The following AOPEP variants were observed in gnomAD, a reference collection of about 807,000 sequenced individuals.
The protein encoded by AOPEP is aminopeptidase O.
Under a neutral mutation model 98.1 loss-of-function variants are expected in AOPEP, and 77 were observed. That is an observed-to-expected ratio of 0.78 (90% CI 0.65 to 0.95). The LOEUF (loss-of-function observed/expected upper bound fraction) is 0.95, where lower values mean the gene tolerates loss of function less well. Among genes scored for constraint, AOPEP ranks in the 40% least tolerant of loss-of-function variants. The probability of loss-of-function intolerance (pLI) is 0.00; values close to 1 mark genes in which losing one functional copy is unlikely to be tolerated. For synonymous variants in AOPEP, 346 were observed against 365.3 expected, an observed-to-expected ratio of 0.95 and a Z score of 0.60; for missense variants, 1,024 against 1,024.7, an observed-to-expected ratio of 1.00 and a Z score of 0.01.
intron 5 of AOPEP, among the ~76,000 whole-genome samples, chr9:94,818,862 C>T (rs925719583): frequency 3.3e-5 from 5 of 152,162 alleles, no homozygotes; most frequent in African/African-American, 9.6e-5. Context: ...GGCATGGTGG[C>T]GGGCACCTGT....
At chr9:94,775,244 C>T (rs1841816603) in intron 3 of AOPEP, among the ~76,000 whole-genome samples, 1 of 151,734 alleles carries the variant, frequency 6.6e-6, no homozygotes, top group Non-Finnish European at 1.5e-5. Flanking sequence ...GAGGACTAAA[C>T]ATTGTCTTTT....
chr9:94,987,321 A>G (rs534382125), intron 11 of AOPEP, among the ~76,000 whole-genome samples: 64 of 152,262 alleles, frequency 4.2e-4, no homozygotes, highest in Non-Finnish European at 8.4e-4. Flanking sequence ...CCAATCTTGA[A>G]GGACAGGCAG....
chr9:94,828,518 G>A (rs1855168189), intron 5 of AOPEP, among the ~76,000 whole-genome samples: 1 of 152,036 alleles, frequency 6.6e-6, no homozygotes, highest in Non-Finnish European at 1.5e-5. Flanking sequence ...TGGACGCCAG[G>A]GATAGAATAG....
chr9:95,079,856 G>A (rs779675973), intron 14 of AOPEP, among the ~76,000 whole-genome samples: 19 of 152,236 alleles, frequency 1.2e-4, no homozygotes, highest in Non-Finnish European at 2.5e-4. Flanking sequence ...TGGATACACA[G>A]CAGGAACTAT....
intron 5 of AOPEP, among the ~76,000 whole-genome samples, chr9:94,806,140 G>T (rs1849219290): frequency 6.6e-6 from 1 of 152,138 alleles, no homozygotes; most frequent in Non-Finnish European, 1.5e-5. Flanking sequence ...GTGATTCTTT[G>T]CCTCAGGAAT....
intron 5 of AOPEP, among the ~76,000 whole-genome samples, chr9:94,802,612 A>C (rs1390996803): frequency 6.6e-6 from 1 of 152,240 alleles, no homozygotes; most frequent in Non-Finnish European, 1.5e-5. Flanking sequence ...GAGTACCATA[A>C]GACCAAATGG....
chr9:94,748,091 A>T (rs1834922695), intron 1 of AOPEP, among the ~76,000 whole-genome samples: 1 of 152,204 alleles, frequency 6.6e-6, no homozygotes. Flanking sequence ...ATAAATTAAT[A>T]ATATAAGTAA....
At chr9:94,974,981 T>C (rs2059751380) in intron 10 of AOPEP, among the ~76,000 whole-genome samples, 1 of 152,194 alleles carries the variant, frequency 6.6e-6, no homozygotes, top group Non-Finnish European at 1.5e-5. Flanking sequence ...TTCATGCCTG[T>C]AATCCCAGCA....
chr9:94,796,675 G>T (rs150785058), intron 4 of AOPEP, among the ~76,000 whole-genome samples: 205 of 152,308 alleles, frequency 1.3e-3, no homozygotes, highest in African/African-American at 4.8e-3. Context: ...TATGATCAGT[G>T]TTCATGTGGG....
At chr9:94,859,985 G>A (rs2044726367) in intron 5 of AOPEP, among the ~76,000 whole-genome samples, 1 of 152,250 alleles carries the variant, frequency 6.6e-6, no homozygotes, top group Non-Finnish European at 1.5e-5. Flanking sequence ...TTATAGTCTG[G>A]TTGGGGAGAT....
intron 7 of AOPEP, among the ~76,000 whole-genome samples, chr9:94,940,332 G>A (rs1023890841): frequency 1.3e-5 from 2 of 152,222 alleles, no homozygotes; most frequent in African/African-American, 4.8e-5. Context: ...AGGGCCAGGT[G>A]CGGTGGCTCA....
intron 1 of AOPEP, among the ~76,000 whole-genome samples, chr9:94,732,179 T>C (rs1345068338): frequency 6.6e-6 from 1 of 152,182 alleles, no homozygotes; most frequent in Non-Finnish European, 1.5e-5. Context: ...CTCTAGAGGA[T>C]GTAAGCAACT....
At chr9:94,894,211 A>G (rs2049207354) in intron 5 of AOPEP, among the ~76,000 whole-genome samples, 1 of 152,232 alleles carries the variant, frequency 6.6e-6, no homozygotes, top group Non-Finnish European at 1.5e-5. Flanking sequence ...AAGAAAGATC[A>G]AAGCAGATAT....
chr9:95,029,316 A>T (rs1314219947), intron 13 of AOPEP, among the ~76,000 whole-genome samples: 2 of 151,930 alleles, frequency 1.3e-5, no homozygotes, highest in Admixed American at 6.5e-5. Flanking sequence ...GCATACATTA[A>T]ATCATTCTAC....
intron 5 of AOPEP, among the ~76,000 whole-genome samples, chr9:94,802,687 A>G (rs1848444538): frequency 6.6e-6 from 1 of 152,228 alleles, no homozygotes; most frequent in Admixed American, 6.5e-5. Flanking sequence ...GACTGCTTTT[A>G]TGCTTAAAAG....
chr9:94,855,161 T>C lies in AOPEP; in HGVS notation c.1364+54159T>C, dbSNP rs144384227. ...GGTATAATCTCGGCTCACCACAACC[T>C]CTGCCTCCCAGATTCAAGCGATTCT... On this transcript the variant is annotated intron_variant, in intron 5 of 16. Transcript: ENST00000375315. Among the ~76,000 whole-genome samples, 1,007 of 152,196 alleles carry C rather than the reference T, an allele frequency of 6.6e-3. 8 individuals are homozygous for C. The highest frequency in any genetic ancestry group is 0.023 in the African/African-American group (969 of 41,564).
chr9:94,946,979 CTT>C (rs751615583), intron 7 of AOPEP, among the ~76,000 whole-genome samples: 5 of 141,722 alleles, frequency 3.5e-5, no homozygotes, highest in Non-Finnish European at 4.7e-5. Context: ...TTTTGTTATT[CTT>C]TTTTTTTTTT....
chr9:94,879,728 A>C (rs534576482), intron 5 of AOPEP, among the ~76,000 whole-genome samples: 19 of 152,368 alleles, frequency 1.2e-4, no homozygotes, highest in South Asian at 4.1e-4. Flanking sequence ...CAAATGGTCC[A>C]TCAGATGGTG....
chr9:94,928,917 T>TA (rs1264904463), intron 7 of AOPEP: 1 of 192,380 alleles, frequency 5.2e-6, no homozygotes, highest in Non-Finnish European at 1.1e-5. Context: ...TCCTAAGTGT[T>TA]TAGTGGTCAC....
Sources: gnomAD v4.1 joint callset for allele counts (sites outside exome capture counted in the v4.1 genomes callset) on GRCh38, gnomAD v4.1.1 for gene constraint, MANE v1.5 for transcripts, NCBI Gene and HGNC (gene_info 2026-07-23, HGNC 2026-07-21) for gene names.